The following EDN2 variants were observed in gnomAD, a reference collection of about 807,000 sequenced individuals.
The protein encoded by EDN2 is endothelin 2.
In EDN2, 10 loss-of-function variants were observed where a neutral mutation model predicts 19.9. The observed-to-expected ratio is 0.50, with a 90% CI of 0.31 to 0.85. EDN2 has a LOEUF of 0.85. Ranked by LOEUF, EDN2 falls within the 40% of genes least tolerant of loss-of-function variation. The pLI is 0.05. For missense variants in EDN2, 222 were observed against 239.3 expected (o/e 0.93, Z 0.48); for synonymous variants, 84 against 94.9 (o/e 0.89, Z 0.67).
At chr1:41,481,231 C>T in intron 3 of EDN2, 38 bp from the exon 4 acceptor site, 2 of 1,582,424 alleles carry the variant, frequency 1.3e-6, no homozygotes, top group Non-Finnish European at 1.7e-6. Flanking sequence ...GATGGACTGC[C>T]CAGGGCCCTG....
At chr1:41,481,603 G>A (rs1310698862) in intron 3 of EDN2, among the ~76,000 whole-genome samples, 3 of 151,190 alleles carry the variant, frequency 2.0e-5, no homozygotes, top group South Asian at 2.1e-4. Flanking sequence ...GCAATGGCGC[G>A]ATCTCGGCTC....
At chr1:41,482,659 G>T in intron 2 of EDN2, 71 bp from the exon 3 acceptor site, 1 of 1,482,782 alleles carries the variant, frequency 6.7e-7, no homozygotes, top group Admixed American at 2.6e-5. Flanking sequence ...AAAATAAAGA[G>T]AGAGAGGATT....
chr1:41,479,597 C>G, intron 4 of EDN2, 95 bp from the exon 5 acceptor site: 1 of 1,122,928 alleles, frequency 8.9e-7, no homozygotes, highest in South Asian at 1.4e-5. Flanking sequence ...ACAGCCCTTG[C>G]CCAGATCCTG....
Position 41,482,624 on chromosome 1 carries a change from G to T in EDN2, c.222-36C>A, listed in dbSNP as rs528669408. 169 of 1,532,156 alleles carry T rather than the reference G, an allele frequency of 1.1e-4. 2 individuals are homozygous for T. The South Asian group carries it at 2.0e-3, about 18-fold the overall frequency. The allele number at this position is 1,532,156 out of a possible 1,614,324, so 94.9% of individuals were successfully genotyped here. Reference sequence around the variant, plus strand: ...GCAGCCAGCAAGGTAGTGGTGTGGGGTGGAGAGAAAGAGAGAGAGAGAAAA... The same window carrying T: ...GCAGCCAGCAAGGTAGTGGTGTGGGTTGGAGAGAAAGAGAGAGAGAGAAAA... On this transcript the variant is annotated intron_variant, in intron 2 of 4. Coordinates refer to ENST00000372587, the MANE Select transcript of EDN2 (RefSeq NM_001956.5).
chr1:41,484,644 C>T lies in EDN2; in HGVS notation c.-43G>A, dbSNP rs1228997295. 1.9e-6 allele frequency: 3 copies of T among 1,548,256 alleles called. No homozygotes were observed. Among genetic ancestry groups the T allele is most frequent in the Non-Finnish European group, 2.6e-6 (3 of 1,144,816 alleles). On this transcript the variant is annotated 5_prime_UTR_variant, in exon 1 of 5. Coordinates refer to ENST00000372587, the MANE Select transcript of EDN2 (RefSeq NM_001956.5). ...CAGGCTGGACTGGAGCAGGGAGTGCCTGTTGCCAGCGTCCTGCTATTAAGC... is the reference window on the plus strand; with the variant it reads ...CAGGCTGGACTGGAGCAGGGAGTGCTTGTTGCCAGCGTCCTGCTATTAAGC...
chr1:41,482,389 C>T, intron 3 of EDN2, 77 bp downstream of exon 3: 1 of 1,444,552 alleles, frequency 6.9e-7, no homozygotes, highest in South Asian at 1.5e-5. Context: ...CTCTGCTAGT[C>T]TCCCAGACAC....
Position 41,481,167 on chromosome 1 carries a change from C to A in EDN2, c.371G>T (p.Arg124Leu), listed in dbSNP as rs369530496. 1.2e-6 allele frequency: 2 copies of A among 1,613,890 alleles called. No homozygotes were observed. Among genetic ancestry groups the A allele is most frequent in the Admixed American group, 1.7e-5 (1 of 60,002 alleles). Residue 124 changes from arginine to leucine, a missense_variant, in exon 4 of 5, where the codon CGG (arginine) becomes CTG (leucine). Coordinates refer to ENST00000372587, the MANE Select transcript of EDN2 (RefSeq NM_001956.5). ...PWTEAGAVPSRKSPADVFQTG... is the reference protein window; with the variant it reads ...PWTEAGAVPSLKSPADVFQTG... ...CTGGAACACGTCTGCAGGGGACTTC[C>A]GGCTTGGGACTGCCCCGGCTTCAGT...
chr1:41,482,225 G>C (rs1020692756), intron 3 of EDN2, among the ~76,000 whole-genome samples: 3 of 152,228 alleles, frequency 2.0e-5, no homozygotes, highest in Admixed American at 2.0e-4. Context: ...TCCTGCCCAG[G>C]AGTGAGGACA....
Position 41,482,655 on chromosome 1 carries a change from AAG to A in EDN2, c.222-69_222-68del, listed in dbSNP as rs567846184. The A allele has an allele frequency of 7.4e-6, 11 of 1,487,412 alleles. No individual in the cohort carries two copies. The Admixed American group carries it at 7.8e-5, about 11-fold the overall frequency. The allele number at this position is 1,487,412 out of a possible 1,614,324, so 92.1% of individuals were successfully genotyped here. A position where few individuals can be genotyped will look rare whatever the true frequency, so the allele number is the denominator to read the frequency against. Reference sequence around the variant, plus strand: ...AGAAAGAGAGAGAGAGAAAAAAATAAAGAGAGAGAGGATTAAATAAACCACAA... The same window carrying A: ...AGAAAGAGAGAGAGAGAAAAAAATAAAGAGAGAGGATTAAATAAACCACAA... On this transcript the variant is annotated intron_variant, in intron 2 of 4. Transcript: ENST00000372587.
At position 41,479,501 on chromosome 1, in the gene EDN2, C is replaced by T. The variant is rs767848243; in HGVS notation, c.445G>A (p.Asp149Asn). Residue 149 changes from aspartate (D) to asparagine (N), a missense_variant and splice_region_variant, in exon 5 of 5, where the codon GAC (aspartate) becomes AAC (asparagine). Physicochemically the swap from Asp to Asn is conservative, Grantham distance 23. Coordinates refer to ENST00000372587, the MANE Select transcript of EDN2 (RefSeq NM_001956.5). Reference sequence around the variant, plus strand: ...AAGAGGCTCTTGACTGTGGAAATGTCCCTGGGAATCAAGAAGGGTCAACTT... The same window carrying T: ...AAGAGGCTCTTGACTGTGGAAATGTTCCTGGGAATCAAGAAGGGTCAACTT... ...TTGELLQRLR[D>N]ISTVKSLFAK... 15 of 1,613,876 alleles carry T rather than the reference C, an allele frequency of 9.3e-6. No homozygotes were observed. The highest frequency in any genetic ancestry group is 1.1e-5 in the Non-Finnish European group (13 of 1,179,748).
chr1:41,479,385 C>A lies in EDN2; in HGVS notation c.*24G>T. 1 of 1,602,448 alleles carries A rather than the reference C, an allele frequency of 6.2e-7. No individual in the cohort carries two copies. Among genetic ancestry groups the A allele is most frequent in the South Asian group, 1.1e-5 (1 of 90,820 alleles). ...TCCTCTCTCCCCGCGGGCTTCCTTC[C>A]CAATGTTCCTCCAGCTCACGACACT... On this transcript the variant is annotated 3_prime_UTR_variant, in exon 5 of 5. Transcript: ENST00000372587.
chr1:41,484,472 C>A (rs1005639731), intron 1 of EDN2, 66 bp downstream of exon 1: 3 of 1,542,218 alleles, frequency 1.9e-6, no homozygotes, highest in Non-Finnish European at 2.6e-6. Flanking sequence ...CACTGCAGCC[C>A]TAGAGGGAGA....
intron 4 of EDN2, among the ~76,000 whole-genome samples, chr1:41,479,704 A>G (rs1644231094): frequency 6.6e-6 from 1 of 152,214 alleles, no homozygotes; most frequent in African/African-American, 2.4e-5. Context: ...GCTTCTCTGC[A>G]CATGGGGGCT....
chr1:41,484,469 G>A, intron 1 of EDN2, 69 bp downstream of exon 1: 1 of 1,537,134 alleles, frequency 6.5e-7, no homozygotes, highest in Non-Finnish European at 8.8e-7. Context: ...AGGCACTGCA[G>A]CCCTAGAGGG....
chr1:41,483,914 A>G, intron 2 of EDN2, 133 bp downstream of exon 2: 1 of 911,892 alleles, frequency 1.1e-6, no homozygotes, highest in Non-Finnish European at 1.6e-6. Context: ...TTAACTATTG[A>G]TATTAGCCAG....
At chr1:41,481,955 AG>A (rs1460902322) in intron 3 of EDN2, among the ~76,000 whole-genome samples, 1 of 152,192 alleles carries the variant, frequency 6.6e-6, no homozygotes, top group African/African-American at 2.4e-5. Context: ...CAGGTAAGAT[AG>A]GAGACATGGC....
intron 4 of EDN2, 63 bp from the exon 5 acceptor site, chr1:41,479,565 T>C: frequency 6.9e-7 from 1 of 1,448,982 alleles, no homozygotes; most frequent in Non-Finnish European, 9.7e-7. Flanking sequence ...GAGCTCCCCA[T>C]GAGAGCAGGG....
chr1:41,480,960 A>G (rs11210267), intron 4 of EDN2, 135 bp downstream of exon 4: 62,114 of 728,958 alleles, frequency 0.085, 2,841 homozygotes, highest in Middle Eastern at 0.16. Flanking sequence ...ACTTTGGGCA[A>G]GTGGCTTTCC....
intron 1 of EDN2, 104 bp downstream of exon 1, chr1:41,484,434 C>T: frequency 6.9e-7 from 1 of 1,456,668 alleles, no homozygotes; most frequent in South Asian, 1.3e-5. Context: ...GGCTCCCGCC[C>T]CTGTCTGCCC....
Sources: gnomAD v4.1 joint callset for allele counts (sites outside exome capture counted in the v4.1 genomes callset) on GRCh38, gnomAD v4.1.1 for gene constraint, MANE v1.5 for transcripts, NCBI Gene and HGNC (gene_info 2026-07-23, HGNC 2026-07-21) for gene names.